MAGI2: variants seen among roughly 807,000 people sequenced by gnomAD.
The protein encoded by MAGI2 is membrane associated guanylate kinase, WW and PDZ domain containing 2, also known as membrane-associated guanylate kinase, WW and PDZ domain-containing protein 2.
In MAGI2, 35 loss-of-function variants were observed where a neutral mutation model predicts 133.3. The observed-to-expected ratio is 0.26, with a 90% CI of 0.20 to 0.35. The LOEUF (loss-of-function observed/expected upper bound fraction) is 0.35, where lower values mean the gene tolerates loss of function less well. MAGI2 is among the 10% of genes least tolerant of loss of function. The probability of loss-of-function intolerance (pLI) is 1.00; values close to 1 mark genes in which losing one functional copy is unlikely to be tolerated. For missense variants in MAGI2, 1,636 were observed against 1,863.4 expected (o/e 0.88, Z 2.25); for synonymous variants, 729 against 710.6 (o/e 1.03, Z -0.41).
intron 3 of MAGI2, among the ~76,000 whole-genome samples, chr7:78,584,177 T>A (rs1371582479): frequency 6.6e-6 from 1 of 151,882 alleles, no homozygotes; most frequent in Non-Finnish European, 1.5e-5. Context: ...ATCCCAGGAC[T>A]TTGGGAGGCA....
At chr7:78,238,215 T>G (rs1158390509) in intron 10 of MAGI2, among the ~76,000 whole-genome samples, 2 of 152,156 alleles carry the variant, frequency 1.3e-5, no homozygotes, top group Non-Finnish European at 2.9e-5. Flanking sequence ...CTAGATGTTC[T>G]TATTCAGTCC....
intron 9 of MAGI2, among the ~76,000 whole-genome samples, chr7:78,288,272 T>C (rs1796351655): frequency 1.3e-5 from 2 of 152,174 alleles, no homozygotes; most frequent in South Asian, 4.1e-4. Context: ...ATAAGCTACA[T>C]GAAAAATAAT....
intron 1 of MAGI2, among the ~76,000 whole-genome samples, chr7:79,280,044 T>C (rs1835512479): frequency 6.6e-6 from 1 of 152,178 alleles, no homozygotes; most frequent in Non-Finnish European, 1.5e-5. Flanking sequence ...TTTTTTAGCA[T>C]CACCTAAAAT....
Position 79,066,547 on chromosome 7 carries a change from C to T in MAGI2, c.302-59341G>A, listed in dbSNP as rs373889570. On this transcript the variant is annotated intron_variant, in intron 1 of 21. Transcript: ENST00000354212. ...TTCACACTGATGATAGTTTCCTTTG[C>T]TGTGCAGAAGCTCCTGTTCACTCTG... Among the ~76,000 whole-genome samples the T allele has an allele frequency of 3.3e-5, 5 of 152,138 alleles. No individual in the cohort carries two copies. The East Asian group carries it at 9.7e-4, about 29-fold the overall frequency.
chr7:78,450,662 T>C (rs74434561), intron 6 of MAGI2, among the ~76,000 whole-genome samples: 3 of 151,942 alleles, frequency 2.0e-5, no homozygotes, highest in African/African-American at 7.2e-5. Context: ...TACTTTTTTT[T>C]CTTGCACTTT....
intron 1 of MAGI2, among the ~76,000 whole-genome samples, chr7:79,206,987 C>T (rs1017490739): frequency 6.6e-5 from 10 of 151,726 alleles, no homozygotes; most frequent in Non-Finnish European, 1.2e-4. Context: ...TAAATAGATG[C>T]CTTAAAATTT....
At chr7:78,475,028 T>C (rs1198304315) in intron 6 of MAGI2, among the ~76,000 whole-genome samples, 1 of 151,914 alleles carries the variant, frequency 6.6e-6, no homozygotes, top group East Asian at 1.9e-4. Flanking sequence ...TGGGTCATAA[T>C]CTTATCAGGA....
intron 1 of MAGI2, among the ~76,000 whole-genome samples, chr7:79,294,266 A>G (rs1228576947): frequency 1.3e-5 from 2 of 152,122 alleles, no homozygotes; most frequent in Non-Finnish European, 2.9e-5. Context: ...CAATTCAGCT[A>G]AAAACCATTT....
intron 2 of MAGI2, among the ~76,000 whole-genome samples, chr7:78,748,996 T>C (rs111714940): frequency 2.4e-4 from 36 of 152,336 alleles, no homozygotes; most frequent in African/African-American, 3.8e-4. Flanking sequence ...ACTAAAATTG[T>C]AAAGATGAGC....
intron 1 of MAGI2, among the ~76,000 whole-genome samples, chr7:79,023,814 C>T (rs2215549): frequency 0.58 from 88,568 of 151,650 alleles, 26,197 homozygotes; most frequent in East Asian, 0.63. Context: ...AATTAGAAAA[C>T]ACTGCTCAAA....
In MAGI2 at chr7:78,778,798, A is replaced by G. The variant is rs562697820; in HGVS notation, c.419-151559T>C. ...TCACCTGTAAAATAGAAAATACAAT[A>G]TCTAATCTCTCAGGTATATTGTGAA... is the stretch of plus-strand genomic sequence containing the variant. On this transcript the variant is annotated intron_variant, in intron 2 of 21. Coordinates refer to ENST00000354212, the MANE Select transcript of MAGI2 (RefSeq NM_012301.4). Among the ~76,000 whole-genome samples the G allele has an allele frequency of 4.7e-4, 72 of 152,208 alleles. 1 individual carries two copies. The highest frequency in any genetic ancestry group is 1.7e-3 in the African/African-American group (70 of 41,554).
intron 1 of MAGI2, among the ~76,000 whole-genome samples, chr7:79,256,067 G>T (rs1833656609): frequency 6.6e-6 from 1 of 152,102 alleles, no homozygotes; most frequent in African/African-American, 2.4e-5. Flanking sequence ...ATGTTGAAAA[G>T]GGTCATATAG....
At position 79,171,741 on chromosome 7, in the gene MAGI2, AAAATATATATAT is replaced by A. The variant is rs1235027247; in HGVS notation, c.302-164547_302-164536del. ...TTAAAATTAAGCAAGACAATAGCCA[AAAATATATATAT>A]ATATATATATATATATATTTTTTTT... On this transcript the variant is annotated intron_variant, in intron 1 of 21. Transcript: ENST00000354212. Among the ~76,000 whole-genome samples the A allele has an allele frequency of 2.2e-4, 5 of 22,694 alleles. 1 individual carries two copies. Among genetic ancestry groups the A allele is most frequent in the East Asian group, 8.1e-4 (1 of 1,232 alleles). 14.9% of individuals were successfully genotyped at this position (22,694 alleles called of 152,430 possible).
chr7:78,770,700 G>C (rs186799876), intron 2 of MAGI2, among the ~76,000 whole-genome samples: 1 of 152,270 alleles, frequency 6.6e-6, no homozygotes, highest in East Asian at 1.9e-4. Context: ...AGTGAGAGTC[G>C]AATCAAGTTT....
At position 78,309,509 on chromosome 7, in the gene MAGI2, G is replaced by C. The variant is rs1401497347; in HGVS notation, c.1408+34269C>G. ...CATTGGGTATACATGGACGCAAAGA[G>C]GGGAACAATAGATACTGGGGACTAC... On this transcript the variant is annotated intron_variant, in intron 9 of 21. Coordinates refer to ENST00000354212, the MANE Select transcript of MAGI2 (RefSeq NM_012301.4). Among the ~76,000 whole-genome samples, 3 of 152,038 alleles carry C rather than the reference G, an allele frequency of 2.0e-5. No homozygotes were observed. The East Asian group carries it at 5.8e-4, about 29-fold the overall frequency.
chr7:78,019,554 G>A lies in MAGI2; in HGVS notation c.4129C>T (p.Leu1377Phe), dbSNP rs1281069886. The change falls in exon 22 of 22, where the codon CTC (leucine) becomes TTC (phenylalanine). Residue 1377 changes from leucine (L) to phenylalanine (F), a missense_variant. This residue lies in a region of MAGI2 where 354 missense variants were observed against 298.7 expected (regional missense o/e 1.19). Coordinates refer to ENST00000354212, the MANE Select transcript of MAGI2 (RefSeq NM_012301.4). The part of the protein sequence containing the change: ...EAPRAAAGSE[L>F]CRREGPGAAP... ...GCCCCCGGGCCTTCGCGCCGGCAGAGCTCGGAGCCCGCCGCCGCACGGGGC... is the reference window on the plus strand; with the variant it reads ...GCCCCCGGGCCTTCGCGCCGGCAGAACTCGGAGCCCGCCGCCGCACGGGGC... The A allele has an allele frequency of 6.7e-5, 66 of 980,240 alleles. No homozygotes were observed. The highest frequency in any genetic ancestry group is 7.6e-5 in the Non-Finnish European group (63 of 828,088). 60.7% of individuals were successfully genotyped at this position (980,240 alleles called of 1,614,324 possible). A position where few individuals can be genotyped will look rare whatever the true frequency, so the allele number is the denominator to read the frequency against.
chr7:78,370,508 A>G (rs1273789548), intron 6 of MAGI2, among the ~76,000 whole-genome samples: 1 of 151,912 alleles, frequency 6.6e-6, no homozygotes, highest in African/African-American at 2.4e-5. Context: ...TCATATTTCT[A>G]TAATATAGTA....
chr7:79,287,574 G>A (rs118139598), intron 1 of MAGI2, among the ~76,000 whole-genome samples: 1,996 of 152,150 alleles, frequency 0.013, 31 homozygotes, highest in Non-Finnish European at 0.014. Flanking sequence ...ACTTTTTTCT[G>A]AGTAGCTGTG....
intron 2 of MAGI2, among the ~76,000 whole-genome samples, chr7:78,651,854 A>G (rs927755602): frequency 1.3e-5 from 2 of 152,096 alleles, no homozygotes; most frequent in Admixed American, 6.6e-5. Flanking sequence ...GTAAAAGTAG[A>G]AAATACAACA....
Sources: gnomAD v4.1 joint callset for allele counts (sites outside exome capture counted in the v4.1 genomes callset) on GRCh38, gnomAD v4.1.1 for gene constraint, gnomAD v4.1.1 regional missense constraint, MANE v1.5 for transcripts, NCBI Gene and HGNC (gene_info 2026-07-23, HGNC 2026-07-21) for gene names.